The following CRB1 variants were observed in gnomAD, a reference collection of about 807,000 sequenced individuals.
CRB1 encodes protein crumbs homolog 1.
In CRB1, 83 loss-of-function variants were observed where a neutral mutation model predicts 120.0. The observed-to-expected ratio is 0.69, with a 90% CI of 0.58 to 0.83. The LOEUF is 0.83. Ranked by LOEUF, CRB1 falls within the 40% of genes least tolerant of loss-of-function variation. The pLI is 0.00. For missense variants in CRB1, 1,699 were observed against 1,687.6 expected (o/e 1.01, Z -0.12); for synonymous variants, 625 against 612.5 (o/e 1.02, Z -0.30).
chr1:197,416,377 CATAT>C (rs1239572182), intron 5 of CRB1, among the ~76,000 whole-genome samples: 8 of 152,300 alleles, frequency 5.3e-5, no homozygotes, highest in African/African-American at 1.7e-4. Context: ...GTTTTATTCT[CATAT>C]ATTATCGACA....
At chr1:197,287,873 G>C (rs1034908028) in intron 1 of CRB1, among the ~76,000 whole-genome samples, 2 of 151,832 alleles carry the variant, frequency 1.3e-5, no homozygotes, top group African/African-American at 4.8e-5. Context: ...CCTCCAGCCT[G>C]AAGCAATAAA....
intron 11 of CRB1, among the ~76,000 whole-genome samples, chr1:197,467,509 T>A (rs1666800990): frequency 1.3e-5 from 2 of 152,338 alleles, no homozygotes; most frequent in African/African-American, 4.8e-5. Flanking sequence ...CCCAATAATG[T>A]CCCTTATAGA....
chr1:197,449,058 T>A (rs1238067080), intron 11 of CRB1, among the ~76,000 whole-genome samples: 1 of 152,244 alleles, frequency 6.6e-6, no homozygotes, highest in Non-Finnish European at 1.5e-5. Context: ...TATTTAAGAA[T>A]ACAAATTCAT....
At chr1:197,368,208 C>A (rs1189323115) in intron 5 of CRB1, among the ~76,000 whole-genome samples, 1 of 151,990 alleles carries the variant, frequency 6.6e-6, no homozygotes, top group East Asian at 1.9e-4. Flanking sequence ...TAGAAATGCA[C>A]TTTTTTTTCT....
rs146954530 is a variant in CRB1 at position 197,428,906 on chromosome 1, T to G, written c.2677-543T>G. 3,868 of 1,479,240 alleles carry G rather than the reference T, an allele frequency of 2.6e-3. 6 individuals are homozygous for G. The highest frequency in any genetic ancestry group is 5.4e-3 in the Middle Eastern group (31 of 5,784). The allele number at this position is 1,479,240 out of a possible 1,614,324, so 91.6% of individuals were successfully genotyped here. On this transcript the variant is annotated intron_variant, in intron 7 of 11. Coordinates refer to ENST00000367400, the MANE Select transcript of CRB1 (RefSeq NM_201253.3). ...CTAATAAATTTCTTTTTAAATACTT[T>G]CATTTTGAATACTTTTTGTGAGCAA...
chr1:197,475,905 T>C (rs915313768), intron 11 of CRB1, among the ~76,000 whole-genome samples: 3 of 152,188 alleles, frequency 2.0e-5, no homozygotes, highest in African/African-American at 7.2e-5. Flanking sequence ...TTGCGTTTTA[T>C]GTTTTGTTTT....
intron 1 of CRB1, among the ~76,000 whole-genome samples, chr1:197,287,360 A>G (rs563493918): frequency 3.3e-5 from 5 of 152,006 alleles, no homozygotes; most frequent in Non-Finnish European, 7.4e-5. Flanking sequence ...ATTTTTGTGA[A>G]TTCAAGCTCT....
Position 197,433,837 on chromosome 1 carries a change from C to T in CRB1, c.2843-869C>T, listed in dbSNP as rs553122374. On this transcript the variant is annotated intron_variant, in intron 8 of 11. Coordinates refer to ENST00000367400, the MANE Select transcript of CRB1 (RefSeq NM_201253.3). ...GACCTTGGTGGGAATACAGACAATA[C>T]GTCTATTATAGCAGGATAGAATGCA... Among the ~76,000 whole-genome samples the T allele has an allele frequency of 2.3e-3, 353 of 152,106 alleles. 2 individuals are homozygous for T. The highest frequency in any genetic ancestry group is 8.2e-3 in the African/African-American group (340 of 41,528).
At chr1:197,399,532 A>G (rs1662954960) in intron 5 of CRB1, among the ~76,000 whole-genome samples, 1 of 152,222 alleles carries the variant, frequency 6.6e-6, no homozygotes, top group Admixed American at 6.5e-5. Flanking sequence ...TAGAGATTAT[A>G]ATGCTACTTT....
At chr1:197,383,909 C>A (rs1311602054) in intron 5 of CRB1, among the ~76,000 whole-genome samples, 2 of 152,156 alleles carry the variant, frequency 1.3e-5, no homozygotes, top group Admixed American at 1.3e-4. Context: ...TAATTATGAA[C>A]AATGGCTACT....
chr1:197,376,612 C>T (rs1057392714), intron 5 of CRB1, among the ~76,000 whole-genome samples: 42 of 152,252 alleles, frequency 2.8e-4, no homozygotes, highest in East Asian at 2.7e-3. Context: ...GTTTCAAGCA[C>T]GATCATACTT....
At chr1:197,300,490 T>C (rs1302283795) in intron 1 of CRB1, among the ~76,000 whole-genome samples, 2 of 152,020 alleles carry the variant, frequency 1.3e-5, no homozygotes, top group Non-Finnish European at 2.9e-5. Flanking sequence ...GCAAAGCCCC[T>C]ACTCTCCTCA....
chr1:197,464,417 T>G (rs1666664506), intron 11 of CRB1, among the ~76,000 whole-genome samples: 1 of 152,020 alleles, frequency 6.6e-6, no homozygotes, highest in Admixed American at 6.6e-5. Context: ...GCCATATCCC[T>G]GAGGACAAGC....
intron 11 of CRB1, among the ~76,000 whole-genome samples, chr1:197,454,405 TTTTCC>T (rs987056645): frequency 2.2e-4 from 34 of 152,300 alleles, no homozygotes; most frequent in African/African-American, 7.2e-4. Flanking sequence ...CACTAATCTC[TTTTCC>T]TTTCATCTTT....
chr1:197,271,948 T>A (rs1654932571), intron 1 of CRB1, among the ~76,000 whole-genome samples: 2 of 152,162 alleles, frequency 1.3e-5, no homozygotes, highest in Admixed American at 6.6e-5. Context: ...TTGACAAAAC[T>A]ACTTTAGAGT....
chr1:197,379,628 A>C (rs1019452834), intron 5 of CRB1, among the ~76,000 whole-genome samples: 1 of 151,342 alleles, frequency 6.6e-6, no homozygotes, highest in Non-Finnish European at 1.5e-5. Flanking sequence ...AAAAAAAAAA[A>C]ACCATTTTTC....
the CRB1 span, among the ~76,000 whole-genome samples, chr1:197,256,403 C>T: frequency 6.6e-6 from 1 of 151,866 alleles, no homozygotes; most frequent in South Asian, 2.1e-4. Context: ...TATTATCTCT[C>T]CAAATGGCTT....
At chr1:197,207,558 G>T in the CRB1 span, among the ~76,000 whole-genome samples, 1 of 152,054 alleles carries the variant, frequency 6.6e-6, no homozygotes, top group African/African-American at 2.4e-5. Context: ...ATCTCCTCTA[G>T]CTTATAGGGT....
intron 1 of CRB1, among the ~76,000 whole-genome samples, chr1:197,271,292 T>C (rs191998505): frequency 1.2e-3 from 183 of 152,322 alleles, no homozygotes; most frequent in Middle Eastern, 6.8e-3. Context: ...TTGAAATATG[T>C]TCCCTTAAAT....
Sources: allele counts gnomAD v4.1 joint callset (sites outside exome capture counted in the v4.1 genomes callset), GRCh38; gene constraint gnomAD v4.1.1; transcripts MANE v1.5; gene names NCBI Gene and HGNC (gene_info 2026-07-23, HGNC 2026-07-21).